The following ARHGAP32 variants were observed in gnomAD, a reference collection of about 807,000 sequenced individuals.
ARHGAP32 encodes Rho GTPase activating protein 32, also known as rho GTPase-activating protein 32.
Under a neutral mutation model 186.5 loss-of-function variants are expected in ARHGAP32, and 51 were observed. The ratio of observed to expected loss-of-function variants is 0.27; its 90% CI spans 0.22 to 0.35. ARHGAP32 has a LOEUF of 0.35. Among genes scored for constraint, ARHGAP32 ranks in the 10% least tolerant of loss-of-function variants. The probability of loss-of-function intolerance (pLI) is 1.00; values close to 1 mark genes in which losing one functional copy is unlikely to be tolerated. For missense variants in ARHGAP32, 2,186 were observed against 2,623.5 expected (o/e 0.83, Z 3.64); for synonymous variants, 950 against 964.3 (o/e 0.99, Z 0.27).
At chr11:129,231,538 C>A (rs1565474927) in intron 1 of ARHGAP32, among the ~76,000 whole-genome samples, 1 of 152,158 alleles carries the variant, frequency 6.6e-6, no homozygotes, top group Non-Finnish European at 1.5e-5. Flanking sequence ...AATTCTAGTT[C>A]TTCAATGGAT....
At chr11:129,054,273 G>A (rs554094283) in intron 10 of ARHGAP32, among the ~76,000 whole-genome samples, 17 of 152,196 alleles carry the variant, frequency 1.1e-4, no homozygotes, top group African/African-American at 2.9e-4. Context: ...TGTGCTTTAC[G>A]GAAGATTTTC....
At chr11:129,065,601 G>GA in intron 7 of ARHGAP32, among the ~76,000 whole-genome samples, 1 of 152,190 alleles carries the variant, frequency 6.6e-6, no homozygotes, top group East Asian at 1.9e-4. Context: ...GGGACTTTCA[G>GA]GTTTTCTATG....
intron 1 of ARHGAP32, among the ~76,000 whole-genome samples, chr11:129,249,401 C>T (rs4129583): frequency 0.2 from 30,632 of 151,976 alleles, 3,259 homozygotes; most frequent in East Asian, 0.28. Flanking sequence ...GAAAGGATTT[C>T]GCATATCTAT....
intron 11 of ARHGAP32, among the ~76,000 whole-genome samples, chr11:129,034,817 C>CA (rs1378013848): frequency 5.6e-5 from 6 of 107,470 alleles, no homozygotes; most frequent in African/African-American, 1.1e-4. Context: ...GAAACTGTCT[C>CA]AAAAAAAAGA....
At chr11:129,117,973 T>G (rs1345524995) in intron 5 of ARHGAP32, among the ~76,000 whole-genome samples, 1 of 152,034 alleles carries the variant, frequency 6.6e-6, no homozygotes, top group Non-Finnish European at 1.5e-5. Context: ...TTGCAGAATT[T>G]TAAACTACAT....
intron 5 of ARHGAP32, among the ~76,000 whole-genome samples, chr11:129,103,954 A>G (rs1246954213): frequency 4.6e-5 from 7 of 152,162 alleles, no homozygotes; most frequent in Admixed American, 4.6e-4. Context: ...AGGAATAAAC[A>G]GTTCCAGAAA....
At chr11:129,224,010 C>T (rs1944747844) in intron 1 of ARHGAP32, among the ~76,000 whole-genome samples, 1 of 152,136 alleles carries the variant, frequency 6.6e-6, no homozygotes, top group Non-Finnish European at 1.5e-5. Flanking sequence ...TTCTTGAGTA[C>T]AAGTGAAGAG....
intron 2 of ARHGAP32, among the ~76,000 whole-genome samples, chr11:129,149,655 C>T (rs925749481): frequency 1.2e-4 from 18 of 152,240 alleles, no homozygotes; most frequent in African/African-American, 4.3e-4. Flanking sequence ...GAGTTCCACA[C>T]CTTTCCACTT....
chr11:129,229,381 TTAAA>T (rs979264293), intron 1 of ARHGAP32, among the ~76,000 whole-genome samples: 2 of 152,104 alleles, frequency 1.3e-5, no homozygotes, highest in African/African-American at 4.8e-5. Context: ...ATTATATTAT[TTAAA>T]TAATTTTCTG....
In ARHGAP32 at chr11:128,970,790, C is replaced by T. The variant is rs1282958521; in HGVS notation, c.4423G>A (p.Val1475Ile). Residue 1475 changes from valine to isoleucine, a missense_variant, in exon 23 of 23, where the codon GTC becomes ATC. By Grantham distance (29) the Val-to-Ile change is conservative. This residue lies in a region of ARHGAP32 where 1,502 missense variants were observed against 1,570.0 expected (regional missense o/e 0.96). Coordinates refer to ENST00000682385, the MANE Select transcript of ARHGAP32 (RefSeq NM_001378024.1). The surrounding 1 kb of genome is among the most constrained non-coding windows in gnomAD (Gnocchi z 5.8). ...VDDALPLPLP[V>I]PQPKHASQKT... ...TGAGAAGCATGCTTAGGTTGTGGGA[C>T]AGGAAGTGGTAAAGGCAATGCATCG... is the stretch of plus-strand genomic sequence containing the variant. The T allele has an allele frequency of 6.2e-7, 1 of 1,614,124 alleles. No individual in the cohort carries two copies.
chr11:129,154,898 AT>A (rs1485033431), intron 2 of ARHGAP32, among the ~76,000 whole-genome samples: 5 of 151,378 alleles, frequency 3.3e-5, no homozygotes, highest in African/African-American at 9.7e-5. Flanking sequence ...TTAAAAAAAA[AT>A]TGTATGATAA....
chr11:128,976,454 T>G, intron 20 of ARHGAP32, 109 bp downstream of exon 20: 7 of 848,194 alleles, frequency 8.3e-6, no homozygotes, highest in Non-Finnish European at 1.3e-5. Context: ...TCCTAGGAAA[T>G]GAGTTAATAG....
Position 128,977,697 on chromosome 11 carries a change from G to T in ARHGAP32, c.2123-1063C>A, listed in dbSNP as rs578248309. 3.8e-4 allele frequency among the ~76,000 whole-genome samples: 57 copies of T among 151,912 alleles called. 1 individual carries two copies. Among genetic ancestry groups the T allele is most frequent in the Non-Finnish European group, 6.8e-4 (46 of 67,998 alleles). ...TAACTATTTCTTTTATTTTTTAAGA[G>T]ACTATGTCTTGCTTTGTCATCCAGG... is the stretch of plus-strand genomic sequence containing the variant. On this transcript the variant is annotated intron_variant, in intron 19 of 22. Transcript: ENST00000682385.
intron 5 of ARHGAP32, among the ~76,000 whole-genome samples, chr11:129,111,036 C>G (rs745372602): frequency 6.6e-5 from 10 of 152,170 alleles, no homozygotes; most frequent in Non-Finnish European, 1.3e-4. Flanking sequence ...ATCTTTTCCC[C>G]ATCCAGTATG....
chr11:129,223,882 C>T (rs1036233599), intron 1 of ARHGAP32, among the ~76,000 whole-genome samples: 1 of 152,120 alleles, frequency 6.6e-6, no homozygotes, highest in African/African-American at 2.4e-5. Flanking sequence ...TAGACATCTG[C>T]CCAGATAAGA....
At chr11:129,204,245 G>T (rs368700122) in intron 1 of ARHGAP32, among the ~76,000 whole-genome samples, 1 of 151,696 alleles carries the variant, frequency 6.6e-6, no homozygotes, top group Admixed American at 6.6e-5. Flanking sequence ...CCTGCTCACC[G>T]CTGTAACTGG....
intron 15 of ARHGAP32, among the ~76,000 whole-genome samples, chr11:128,982,345 G>A (rs187634527): frequency 1.8e-4 from 27 of 152,236 alleles, no homozygotes; most frequent in Non-Finnish European, 3.2e-4. Context: ...TCATATTCTG[G>A]TTTATCTTGA....
At chr11:129,093,373 A>G (rs747118413) in intron 6 of ARHGAP32, among the ~76,000 whole-genome samples, 2 of 152,152 alleles carry the variant, frequency 1.3e-5, no homozygotes, top group African/African-American at 2.4e-5. Flanking sequence ...CAAAGAGGAG[A>G]CATGCAAGTT....
At chr11:129,150,249 G>C (rs1201063469) in intron 2 of ARHGAP32, among the ~76,000 whole-genome samples, 3 of 152,032 alleles carry the variant, frequency 2.0e-5, no homozygotes, top group Non-Finnish European at 4.4e-5. Context: ...CTTATTTGTA[G>C]GGTTAATTGA....
Sources: gnomAD v4.1 joint callset for allele counts (sites outside exome capture counted in the v4.1 genomes callset) on GRCh38, gnomAD v4.1.1 for gene constraint, gnomAD v4.1.1 regional missense constraint, Gnocchi (gnomAD v3.1) non-coding constraint, MANE v1.5 for transcripts, NCBI Gene and HGNC (gene_info 2026-07-23, HGNC 2026-07-21) for gene names.